Variants in ANP32E observed in about 807,000 individuals in gnomAD.
ANP32E encodes the protein acidic leucine-rich nuclear phosphoprotein 32 family member E.
A neutral mutation model predicts 35.3 loss-of-function variants in ANP32E; 14 were observed. That is an observed-to-expected ratio of 0.40 (90% confidence interval 0.26 to 0.62). ANP32E has a LOEUF of 0.62. Among genes scored for constraint, ANP32E ranks in the 20% least tolerant of loss-of-function variants. The probability of loss-of-function intolerance (pLI) is 0.45; values close to 1 mark genes in which losing one functional copy is unlikely to be tolerated. For synonymous variants in ANP32E, 89 were observed against 110.4 expected (o/e 0.81, Z 1.22); for missense variants, 198 against 304.4 (o/e 0.65, Z 2.60).
chr1:150,223,284 G>T, intron 5 of ANP32E, 44 bp from the exon 6 acceptor site: 1 of 1,509,814 alleles, frequency 6.6e-7, no homozygotes, highest in Non-Finnish European at 8.9e-7. Flanking sequence ...AAATCCATAT[G>T]ATTTTTCACT....
chr1:150,228,763 T>C (rs1553840790), intron 4 of ANP32E, among the ~76,000 whole-genome samples: 1 of 152,108 alleles, frequency 6.6e-6, no homozygotes, highest in African/African-American at 2.4e-5. Flanking sequence ...TTTCTGGCTA[T>C]TATAAGTGGT....
Position 150,230,732 on chromosome 1 carries a change from G to A in ANP32E, c.205-39C>T, listed in dbSNP as rs782343181. 3.8e-6 allele frequency: 6 copies of A among 1,558,830 alleles called. No homozygotes were observed. In the South Asian group the frequency reaches 7.1e-5, roughly 18 times the overall value. ...AAAGGAAAAAACAAAGAATGGTAAA[G>A]GTATCATATCAAACTTTTTTTTTTT... is the stretch of plus-strand genomic sequence containing the variant. On this transcript the variant is annotated intron_variant, in intron 2 of 6. Transcript: ENST00000583931.
intron 1 of ANP32E, among the ~76,000 whole-genome samples, chr1:150,233,384 C>T (rs74976429): frequency 0.029 from 4,378 of 152,026 alleles, 216 homozygotes; most frequent in African/African-American, 0.1. Flanking sequence ...TCCTCCTTAC[C>T]CTTTATGAAG....
At chr1:150,222,588 TA>T (rs1207964709) in intron 6 of ANP32E, among the ~76,000 whole-genome samples, 5 of 145,550 alleles carry the variant, frequency 3.4e-5, no homozygotes, top group Non-Finnish European at 4.6e-5. Flanking sequence ...ACCCCATCTC[TA>T]AAAAAAAAAC....
Position 150,226,704 on chromosome 1 carries a change from A to C in ANP32E, c.585T>G (p.Asp195Glu), listed in dbSNP as rs1572017733. 6.3e-7 allele frequency: 1 copy of C among 1,576,338 alleles called. No homozygotes were observed. Among genetic ancestry groups the C allele is most frequent in the Non-Finnish European group, 8.7e-7 (1 of 1,151,772 alleles). The change falls in exon 5 of 7, where the codon GAT (aspartate) becomes GAG (glutamate). Residue 195 changes from aspartate (D) to glutamate (E), a missense_variant. Physicochemically the swap from Asp to Glu is conservative, Grantham distance 45 (BLOSUM62 2). This residue lies in a region of ANP32E where 121 missense variants were observed against 137.3 expected (regional missense o/e 0.88). Coordinates refer to ENST00000583931, the MANE Select transcript of ANP32E (RefSeq NM_030920.5). ...CATCTTCATCTTCATCCTCATCCTC[A>C]TCCTCCTCTTCCTCTTCCTCCTCCT... Reference protein sequence around the residue: ...EEEEEEEEEEDEDEDEDEDEA... With the variant: ...EEEEEEEEEEEEDEDEDEDEA...
chr1:150,228,232 T>A (rs1446624175), intron 4 of ANP32E, among the ~76,000 whole-genome samples: 1 of 152,000 alleles, frequency 6.6e-6, no homozygotes, highest in Non-Finnish European at 1.5e-5. Flanking sequence ...CGGCTTCCCA[T>A]GAACTTTCCA....
chr1:150,230,749 T>A, intron 2 of ANP32E, 56 bp from the exon 3 acceptor site: 1 of 1,535,742 alleles, frequency 6.5e-7, no homozygotes, highest in Non-Finnish European at 8.8e-7. Flanking sequence ...TATCAAACTT[T>A]TTTTTTTTTT....
chr1:150,227,630 A>T (rs1304794559), intron 4 of ANP32E, among the ~76,000 whole-genome samples: 4 of 151,480 alleles, frequency 2.6e-5, no homozygotes, highest in Non-Finnish European at 5.9e-5. Context: ...ACTACCTATT[A>T]GGCACTATGT....
intron 1 of ANP32E, among the ~76,000 whole-genome samples, chr1:150,233,100 A>G (rs587701592): frequency 1.3e-4 from 20 of 151,960 alleles, no homozygotes; most frequent in Non-Finnish European, 2.8e-4. Flanking sequence ...CCCCGTCCCT[A>G]CTAAAAATAC....
Position 150,235,748 on chromosome 1 carries a change from GT to G in ANP32E, c.38del (p.Asn13ThrfsTer7). 1 of 1,612,382 alleles carries G rather than the reference GT, an allele frequency of 6.2e-7. No homozygotes were observed. Among genetic ancestry groups the G allele is most frequent in the Non-Finnish European group, 8.5e-7 (1 of 1,179,238 alleles). On this transcript the variant is annotated frameshift_variant, in exon 1 of 7. Transcript: ENST00000583931. LOFTEE classifies it high-confidence loss of function. The surrounding 1 kb of genome is among the most constrained non-coding windows in gnomAD (Gnocchi z 4.2). ...GTCATCTCACCTCCTCCGGGGATCT[GT>G]TCCTTAACTCCAGGTTAATCTTCTT... ...MKKKINLELR[N>X]RSPEEVTELV...
At chr1:150,221,296 G>C (rs1553837769) in intron 6 of ANP32E, among the ~76,000 whole-genome samples, 2 of 149,254 alleles carry the variant, frequency 1.3e-5, no homozygotes, top group African/African-American at 5.0e-5. Flanking sequence ...AAAATCAGCT[G>C]GGTATGGTGG....
chr1:150,223,484 C>T (rs1218680264), intron 5 of ANP32E, among the ~76,000 whole-genome samples: 3 of 151,822 alleles, frequency 2.0e-5, no homozygotes, highest in African/African-American at 7.3e-5. Flanking sequence ...AGTTCCAGAC[C>T]AGCATGGCCA....
rs1648099174 is a variant in ANP32E at position 150,218,538 on chromosome 1, T to C, written c.*2153A>G. 6.6e-6 allele frequency: 1 copy of C among 152,642 alleles called. No individual in the cohort carries two copies. Among genetic ancestry groups the C allele is most frequent in the African/African-American group, 2.4e-5 (1 of 41,452 alleles). 9.5% of individuals were successfully genotyped at this position (152,642 alleles called of 1,614,324 possible). ...ACAATAAAAGAATAATCAGGAGTACTGCAAATTTTTTTGTTTGTTTTTAAC... is the reference window on the plus strand; with the variant it reads ...ACAATAAAAGAATAATCAGGAGTACCGCAAATTTTTTTGTTTGTTTTTAAC... On this transcript the variant is annotated 3_prime_UTR_variant, in exon 7 of 7. Coordinates refer to ENST00000583931, the MANE Select transcript of ANP32E (RefSeq NM_030920.5).
chr1:150,231,804 C>G lies in ANP32E; in HGVS notation c.177G>C (p.Arg59=). ...MANVELSSLA[R]LPSLNKLRKL... is the part of the protein sequence containing the mutation. Reference sequence around the variant, plus strand: ...TTCGAAGTTTATTTAAGCTGGGAAGCCGGGCCAGCGAACTTAGTTCCACAT... The same window carrying G: ...TTCGAAGTTTATTTAAGCTGGGAAGGCGGGCCAGCGAACTTAGTTCCACAT... The change falls in exon 2 of 7, where the codon CGG becomes CGC. Residue 59 remains arginine (R), a synonymous_variant. Transcript: ENST00000583931. The G allele has an allele frequency of 6.2e-7, 1 of 1,602,668 alleles. No individual in the cohort carries two copies. Among genetic ancestry groups the G allele is most frequent in the Non-Finnish European group, 8.5e-7 (1 of 1,177,442 alleles).
chr1:150,219,333 A>G lies in ANP32E; in HGVS notation c.*1358T>C, dbSNP rs1159021657. The G allele has an allele frequency of 4.6e-5, 7 of 152,206 alleles. No homozygotes were observed. The highest frequency in any genetic ancestry group is 1.0e-4 in the Non-Finnish European group (7 of 68,012). The allele number at this position is 152,206 out of a possible 1,614,324, so 9.4% of individuals were successfully genotyped here. A position where few individuals can be genotyped will look rare whatever the true frequency, so the allele number is the denominator to read the frequency against. On this transcript the variant is annotated 3_prime_UTR_variant, in exon 7 of 7. Coordinates refer to ENST00000583931, the MANE Select transcript of ANP32E (RefSeq NM_030920.5). The stretch of plus-strand genomic sequence containing the variant: ...ACTCATTATATTTTATTTAGTAGCC[A>G]TGTAAGGAAACACACACTCACTTAT...
At chr1:150,229,638 G>A (rs1553841177) in intron 3 of ANP32E, among the ~76,000 whole-genome samples, 2 of 152,060 alleles carry the variant, frequency 1.3e-5, no homozygotes, top group Non-Finnish European at 2.9e-5. Flanking sequence ...GCCTCCACAC[G>A]CAGCTAATTT....
chr1:150,232,257 T>C (rs1470492244), intron 1 of ANP32E, among the ~76,000 whole-genome samples: 4 of 136,622 alleles, frequency 2.9e-5, no homozygotes, highest in Admixed American at 7.8e-5. Flanking sequence ...GGCAGGAGAA[T>C]GGCGTGAACC....
chr1:150,232,904 A>G (rs1553842209), intron 1 of ANP32E, among the ~76,000 whole-genome samples: 1 of 152,180 alleles, frequency 6.6e-6, no homozygotes, highest in Non-Finnish European at 1.5e-5. Context: ...TCAACATCAG[A>G]TAATATATTT....
chr1:150,228,485 T>A (rs1015862343), intron 4 of ANP32E, among the ~76,000 whole-genome samples: 2 of 152,018 alleles, frequency 1.3e-5, no homozygotes, highest in Non-Finnish European at 2.9e-5. Flanking sequence ...AGGTCAGCAG[T>A]TCGAGACCAG....
Sources: allele counts gnomAD v4.1 joint callset (sites outside exome capture counted in the v4.1 genomes callset), GRCh38; gene constraint gnomAD v4.1.1; regional missense constraint gnomAD v4.1.1; non-coding constraint Gnocchi (gnomAD v3.1); transcripts MANE v1.5; gene names NCBI Gene and HGNC (gene_info 2026-07-23, HGNC 2026-07-21).